Variants in MARCHF1 observed in about 807,000 individuals in gnomAD.
The protein encoded by MARCHF1 is E3 ubiquitin-protein ligase MARCHF1.
In MARCHF1, 40 loss-of-function variants were observed where a neutral mutation model predicts 54.2. That is an observed-to-expected ratio of 0.74 (90% CI 0.57 to 0.96). MARCHF1 has a LOEUF of 0.96. Among genes scored for constraint, MARCHF1 ranks in the 40% least tolerant of loss-of-function variants. MARCHF1 has a pLI of 0.00. For synonymous variants in MARCHF1, 236 were observed against 236.3 expected (o/e 1.00, Z 0.01); for missense variants, 586 against 656.5 (o/e 0.89, Z 1.17).
chr4:164,088,745 A>T (rs1755241035), intron 2 of MARCHF1, among the ~76,000 whole-genome samples: 1 of 152,190 alleles, frequency 6.6e-6, no homozygotes. Context: ...CCTCAGAAAA[A>T]TTAAAATAAA....
At chr4:163,745,429 A>G (rs1403969812) in intron 4 of MARCHF1, among the ~76,000 whole-genome samples, 1 of 151,908 alleles carries the variant, frequency 6.6e-6, no homozygotes, top group East Asian at 1.9e-4. Context: ...CTTGTTTTTT[A>G]AGGCACGTGT....
intron 1 of MARCHF1, chr4:164,190,290 C>T (rs957779290): frequency 1.8e-5 from 14 of 774,180 alleles, no homozygotes; most frequent in Non-Finnish European, 2.6e-5. Flanking sequence ...AAGTGCAAGC[C>T]CTCTCCCAGC....
At chr4:163,968,654 C>T (rs1752490393) in intron 3 of MARCHF1, among the ~76,000 whole-genome samples, 1 of 152,122 alleles carries the variant, frequency 6.6e-6, no homozygotes, top group Non-Finnish European at 1.5e-5. Flanking sequence ...CTGGGGACCT[C>T]TTCCCAGTTG....
At chr4:163,990,982 C>T (rs1245791439) in intron 2 of MARCHF1, among the ~76,000 whole-genome samples, 1 of 152,122 alleles carries the variant, frequency 6.6e-6, no homozygotes, top group Admixed American at 6.5e-5. Context: ...TAATCCTTTA[C>T]CTCATTATGC....
chr4:164,072,527 C>A (rs894338653), intron 2 of MARCHF1, among the ~76,000 whole-genome samples: 1 of 151,716 alleles, frequency 6.6e-6, no homozygotes, highest in Non-Finnish European at 1.5e-5. Context: ...TGCCACCACA[C>A]GCCAGCCTAG....
chr4:164,034,767 T>C (rs1199708281), intron 2 of MARCHF1, among the ~76,000 whole-genome samples: 2 of 152,196 alleles, frequency 1.3e-5, no homozygotes, highest in Admixed American at 1.3e-4. Context: ...AATATATGTT[T>C]TCTTAATTTT....
chr4:164,228,018 T>G (rs142666661), intron 1 of MARCHF1, among the ~76,000 whole-genome samples: 5 of 152,250 alleles, frequency 3.3e-5, no homozygotes, highest in Non-Finnish European at 7.4e-5. Flanking sequence ...ATTGAAATAT[T>G]AAGAGGAATT....
At chr4:163,777,645 T>C (rs867104168) in intron 4 of MARCHF1, among the ~76,000 whole-genome samples, 11 of 152,278 alleles carry the variant, frequency 7.2e-5, no homozygotes, top group African/African-American at 2.6e-4. Flanking sequence ...TTTCATTTTC[T>C]TAAAAATTTT....
intron 4 of MARCHF1, among the ~76,000 whole-genome samples, chr4:163,758,948 G>A (rs905826623): frequency 2.0e-5 from 3 of 151,988 alleles, no homozygotes; most frequent in Non-Finnish European, 4.4e-5. Context: ...ATTAGGAAAG[G>A]CTTCTTATTA....
rs1730696194 is a variant in MARCHF1, at chr4:164,176,972, CTCTCTCTCTATATATATAT to C, written c.-322-65329_-322-65311del. 3.7e-4 allele frequency among the ~76,000 whole-genome samples: 21 copies of C among 56,820 alleles called. 1 individual carries two copies. The highest frequency in any genetic ancestry group is 6.2e-4 in the Non-Finnish European group (20 of 32,234). The allele number at this position is 56,820 out of a possible 152,430, so 37.3% of individuals were successfully genotyped here. A position where few individuals can be genotyped will look rare whatever the true frequency, so the allele number is the denominator to read the frequency against. Reference sequence around the variant, plus strand: ...TCTCTCTCTCTCTCTCTCTCTCTCTCTCTCTCTCTATATATATATATATATATATATATATATACAAATG... The same window carrying C: ...TCTCTCTCTCTCTCTCTCTCTCTCTCATATATATATATATATATACAAATG... On this transcript the variant is annotated intron_variant, in intron 1 of 9. Coordinates refer to ENST00000514618, the MANE Select transcript of MARCHF1 (RefSeq NM_001394959.1).
At chr4:163,710,595 A>C (rs891028102) in intron 4 of MARCHF1, among the ~76,000 whole-genome samples, 10 of 152,182 alleles carry the variant, frequency 6.6e-5, no homozygotes, top group Non-Finnish European at 1.0e-4. Flanking sequence ...ACAAGTTAGT[A>C]ATTGTAATTC....
At chr4:164,030,003 C>T (rs1033751585) in intron 2 of MARCHF1, among the ~76,000 whole-genome samples, 4 of 152,134 alleles carry the variant, frequency 2.6e-5, no homozygotes, top group Non-Finnish European at 4.4e-5. Flanking sequence ...AAAAAATTGA[C>T]AACAGTCAGT....
intron 3 of MARCHF1, among the ~76,000 whole-genome samples, chr4:163,945,264 A>G (rs1752001256): frequency 6.6e-6 from 1 of 152,108 alleles, no homozygotes; most frequent in South Asian, 2.1e-4. Flanking sequence ...TCTTTTTCAT[A>G]AAACCTTACA....
chr4:163,682,330 A>G (rs1343219276), intron 5 of MARCHF1, among the ~76,000 whole-genome samples: 1 of 152,196 alleles, frequency 6.6e-6, no homozygotes, highest in Non-Finnish European at 1.5e-5. Context: ...CTGGGGAGAA[A>G]TTCAAGCCAG....
At chr4:163,867,430 A>G (rs1452188602) in intron 3 of MARCHF1, among the ~76,000 whole-genome samples, 1 of 151,906 alleles carries the variant, frequency 6.6e-6, no homozygotes, top group African/African-American at 2.4e-5. Context: ...CCTTCCATAT[A>G]TGAAGTTAAT....
chr4:163,633,497 C>T (rs551383912), intron 5 of MARCHF1, among the ~76,000 whole-genome samples: 30 of 151,864 alleles, frequency 2.0e-4, no homozygotes, highest in African/African-American at 5.3e-4. Context: ...AAGGTATCAG[C>T]GATGGAAGAT....
chr4:163,907,146 G>T (rs1751088652), intron 3 of MARCHF1, among the ~76,000 whole-genome samples: 1 of 151,864 alleles, frequency 6.6e-6, no homozygotes, highest in Admixed American at 6.6e-5. Context: ...TAAATTTTAT[G>T]CTCAATCACA....
chr4:163,895,119 C>T (rs983838058), intron 3 of MARCHF1, among the ~76,000 whole-genome samples: 3 of 151,962 alleles, frequency 2.0e-5, no homozygotes, highest in South Asian at 2.1e-4. Context: ...ACGCATGAGT[C>T]GATTTCTACA....
chr4:164,364,569 C>T lies in MARCHF1; in HGVS notation c.-323+19301G>A, dbSNP rs1032706237. Among the ~76,000 whole-genome samples, 3 of 152,028 alleles carry T rather than the reference C, an allele frequency of 2.0e-5. No homozygotes were observed. The South Asian group carries it at 6.2e-4, about 32-fold the overall frequency. On this transcript the variant is annotated intron_variant, in intron 1 of 9. Transcript: ENST00000514618. ...AACTCTCCATATTCAATTTGCCACC[C>T]CTTGTTCTGATTTTTCTTCATTTTA...
Sources: allele counts gnomAD v4.1 joint callset (sites outside exome capture counted in the v4.1 genomes callset), GRCh38; gene constraint gnomAD v4.1.1; transcripts MANE v1.5; gene names NCBI Gene and HGNC (gene_info 2026-07-23, HGNC 2026-07-21).